COL21A1: variants seen among roughly 807,000 people sequenced by gnomAD.
The protein encoded by COL21A1 is collagen type XXI alpha 1 chain.
A neutral mutation model predicts 137.9 loss-of-function variants in COL21A1; 149 were observed. That is an observed-to-expected ratio of 1.08 (90% CI 0.95 to 1.24). The LOEUF is 1.24. COL21A1 is among the 50% of genes most tolerant of loss of function. COL21A1 has a pLI of 0.00. For missense variants in COL21A1, 1,167 were observed against 1,158.4 expected (o/e 1.01, Z -0.11); for synonymous variants, 456 against 391.5 (o/e 1.16, Z -1.95).
At chr6:56,072,452 T>C (rs1376654112) in intron 20 of COL21A1, among the ~76,000 whole-genome samples, 1 of 151,514 alleles carries the variant, frequency 6.6e-6, no homozygotes, top group Non-Finnish European at 1.5e-5. Context: ...GTTTCAGCCT[T>C]ATCTCTGCCC....
intron 20 of COL21A1, among the ~76,000 whole-genome samples, chr6:56,073,608 C>T (rs1428524341): frequency 2.6e-5 from 4 of 151,444 alleles, no homozygotes; most frequent in African/African-American, 7.2e-5. Context: ...TTGTCTGATC[C>T]TCTGGTTAAC....
chr6:56,152,049 A>T (rs1302403606), intron 10 of COL21A1, among the ~76,000 whole-genome samples: 1 of 152,226 alleles, frequency 6.6e-6, no homozygotes, highest in Non-Finnish European at 1.5e-5. Context: ...TACCCCAAAC[A>T]CAGCAGCTTA....
Position 56,057,749 on chromosome 6 carries a change from C to T in COL21A1, c.2782G>A (p.Gly928Arg). The T allele has an allele frequency of 9.3e-6, 15 of 1,611,984 alleles. No homozygotes were observed. The highest frequency in any genetic ancestry group is 1.3e-5 in the Non-Finnish European group (15 of 1,179,082). ...DGDHGKPGIQ[G>R]QPGPPGICDP... ...CAGATGCCTGGGGGGCCTGGTTGCCCTTGGATTCCAGGTTTTCCATGGTCT... is the reference window on the plus strand; with the variant it reads ...CAGATGCCTGGGGGGCCTGGTTGCCTTTGGATTCCAGGTTTTCCATGGTCT... The change falls in exon 30 of 30, where the codon GGG becomes AGG. Residue 928 changes from glycine to arginine, a missense_variant. By Grantham distance (125) the Gly-to-Arg change is moderately radical. Transcript: ENST00000244728.
chr6:56,139,885 T>C (rs1414939944), intron 12 of COL21A1, among the ~76,000 whole-genome samples: 1 of 152,132 alleles, frequency 6.6e-6, no homozygotes, highest in African/African-American at 2.4e-5. Flanking sequence ...AAGTTGAATG[T>C]ACTAACAAAG....
At chr6:56,177,817 G>C (rs1582567682) in intron 3 of COL21A1, among the ~76,000 whole-genome samples, 1 of 135,356 alleles carries the variant, frequency 7.4e-6, no homozygotes, top group African/African-American at 2.7e-5. Flanking sequence ...AAAAAAAGTC[G>C]AGTGCAGAAA....
chr6:56,067,198 T>C, intron 23 of COL21A1, 97 bp downstream of exon 23: 1 of 1,006,522 alleles, frequency 9.9e-7, no homozygotes, highest in Non-Finnish European at 1.4e-6. Context: ...AACTTTATAT[T>C]AATGTTGAAA....
intron 1 of COL21A1, among the ~76,000 whole-genome samples, chr6:56,213,407 A>T (rs1780301592): frequency 1.3e-5 from 2 of 152,010 alleles, no homozygotes; most frequent in South Asian, 4.2e-4. Flanking sequence ...GTGTGGAGGG[A>T]CTTGTCTCTC....
chr6:56,173,931 C>T (rs943283285), intron 3 of COL21A1, among the ~76,000 whole-genome samples: 3 of 152,108 alleles, frequency 2.0e-5, no homozygotes, highest in African/African-American at 7.2e-5. Context: ...CCAGGACAGA[C>T]CACATGTTAA....
chr6:56,097,863 A>AT (rs1562188181), intron 17 of COL21A1, among the ~76,000 whole-genome samples: 1,056 of 27,756 alleles, frequency 0.038, 180 homozygotes, highest in African/African-American at 0.11. Flanking sequence ...ATAAATATAT[A>AT]AAAATATCTA....
chr6:56,170,896 A>G (rs1776986823), intron 4 of COL21A1, 31 bp from the exon 5 acceptor site: 1 of 1,600,830 alleles, frequency 6.2e-7, no homozygotes. Context: ...GTAAGCTTAA[A>G]GAATTCTTGA....
At chr6:56,128,686 G>T (rs143827376) in intron 12 of COL21A1, among the ~76,000 whole-genome samples, 2 of 152,038 alleles carry the variant, frequency 1.3e-5, no homozygotes, top group Admixed American at 6.6e-5. Context: ...ATGGAGTTTC[G>T]CTCTTTCGCC....
rs745534388 is a variant in COL21A1 at position 56,069,018 on chromosome 6, C to T, written c.2091+28G>A. Reference sequence around the variant, plus strand: ...TTGTTTGCAAGTAACTGGTTAAAAGCGAACTGTATCTCCTAACCAATGCAT... The same window carrying T: ...TTGTTTGCAAGTAACTGGTTAAAAGTGAACTGTATCTCCTAACCAATGCAT... On this transcript the variant is annotated intron_variant, in intron 22 of 29. Transcript: ENST00000244728. 11 of 1,515,510 alleles carry T rather than the reference C, an allele frequency of 7.3e-6. No homozygotes were observed. The South Asian group carries it at 9.6e-5, about 13-fold the overall frequency. The allele number at this position is 1,515,510 out of a possible 1,614,324, so 93.9% of individuals were successfully genotyped here.
At chr6:56,298,346 T>C (rs759241415) in intron 1 of COL21A1, among the ~76,000 whole-genome samples, 8 of 152,050 alleles carry the variant, frequency 5.3e-5, no homozygotes, top group Middle Eastern at 3.2e-3. Context: ...CAGGGTGGTG[T>C]CGTGTATCAT....
intron 1 of COL21A1, among the ~76,000 whole-genome samples, chr6:56,220,112 A>G (rs1052854395): frequency 3.3e-5 from 5 of 152,180 alleles, no homozygotes; most frequent in Admixed American, 3.3e-4. Context: ...ATATTTATAC[A>G]TTGAATTAAC....
At chr6:56,288,205 C>T (rs1763958293) in intron 1 of COL21A1, among the ~76,000 whole-genome samples, 1 of 150,454 alleles carries the variant, frequency 6.6e-6, no homozygotes, top group Admixed American at 6.7e-5. Flanking sequence ...GCATGGAATG[C>T]TGATAGTTTC....
chr6:56,089,521 A>T (rs12207715), intron 17 of COL21A1, among the ~76,000 whole-genome samples: 23,088 of 152,134 alleles, frequency 0.15, 1,786 homozygotes, highest in Middle Eastern at 0.22. Context: ...TTCCAAAAAA[A>T]TTTTTCACTA....
intron 9 of COL21A1, among the ~76,000 whole-genome samples, chr6:56,159,675 G>A (rs553690105): frequency 1.5e-5 from 2 of 137,128 alleles, no homozygotes; most frequent in Non-Finnish European, 3.1e-5. Flanking sequence ...TGGGTATCAA[G>A]TAGAGATTCA....
chr6:56,332,299 T>C (rs2152343724), intron 1 of COL21A1, among the ~76,000 whole-genome samples: 1 of 152,184 alleles, frequency 6.6e-6, no homozygotes, highest in South Asian at 2.1e-4. Context: ...CATTTTTGTT[T>C]CAACTATGAT....
In COL21A1 at chr6:56,164,791, G is replaced by A. The variant is rs377635933; in HGVS notation, c.1287+23C>T. 10 of 1,557,206 alleles carry A rather than the reference G, an allele frequency of 6.4e-6. No homozygotes were observed. The Admixed American group carries it at 7.6e-5, about 12-fold the overall frequency. On this transcript the variant is annotated intron_variant, in intron 8 of 29. Transcript: ENST00000244728. ...CCACAATACAAATATTACCTTAAGG[G>A]GAACAATAGTATCCAAGCCTACCTC...
Sources: allele counts gnomAD v4.1 joint callset (sites outside exome capture counted in the v4.1 genomes callset), GRCh38; gene constraint gnomAD v4.1.1; transcripts MANE v1.5; gene names NCBI Gene and HGNC (gene_info 2026-07-23, HGNC 2026-07-21).